AK5: variants seen among roughly 807,000 people sequenced by gnomAD.
AK5 encodes adenylate kinase 5, also known as adenylate kinase isoenzyme 5.
Under a neutral mutation model 69.5 loss-of-function variants are expected in AK5, and 27 were observed. The observed-to-expected ratio is 0.39, with a 90% CI of 0.29 to 0.54. AK5 has a LOEUF of 0.54. AK5 is among the 20% of genes least tolerant of loss of function. AK5 has a pLI of 0.71. For missense variants in AK5, 531 were observed against 700.4 expected (o/e 0.76, Z 2.73); for synonymous variants, 260 against 244.4 (o/e 1.06, Z -0.60).
At chr1:77,542,047 G>A (rs960127252) in intron 13 of AK5, among the ~76,000 whole-genome samples, 15 of 152,170 alleles carry the variant, frequency 9.9e-5, no homozygotes, top group Non-Finnish European at 2.2e-4. Context: ...GAGAAAAACA[G>A]GCCAGGCACG....
In AK5 at chr1:77,371,421, C is replaced by A. The variant is rs3862894; in HGVS notation, c.891+30853C>A. On this transcript the variant is annotated intron_variant, in intron 6 of 13. Transcript: ENST00000354567. ...AGAGTACTTTACAGCACTGGAGGTGCTATTTGGAAAGGGGGTTTCAACCCA... is the reference window on the plus strand; with the variant it reads ...AGAGTACTTTACAGCACTGGAGGTGATATTTGGAAAGGGGGTTTCAACCCA... The A allele has an allele frequency of 2.6e-5, 4 of 152,098 alleles. No individual in the cohort carries two copies. In the South Asian group the frequency reaches 8.3e-4, roughly 32 times the overall value. 9.4% of individuals were successfully genotyped at this position (152,098 alleles called of 1,614,324 possible).
intron 5 of AK5, among the ~76,000 whole-genome samples, chr1:77,334,850 TC>T (rs1208237611): frequency 6.6e-6 from 1 of 152,044 alleles, no homozygotes; most frequent in Non-Finnish European, 1.5e-5. Flanking sequence ...TAGAGCCTCT[TC>T]CCCTGGGTGG....
chr1:77,392,763 T>A (rs1481957741), intron 6 of AK5, among the ~76,000 whole-genome samples: 1 of 150,648 alleles, frequency 6.6e-6, no homozygotes, highest in Non-Finnish European at 1.5e-5. Context: ...AAGGAATGAT[T>A]GCTGGGTTTT....
rs1660273782 is a variant in AK5 at position 77,558,818 on chromosome 1, T to TAGAC, written c.*149_*152dup. 5 of 630,194 alleles carry TAGAC rather than the reference T, an allele frequency of 7.9e-6. No homozygotes were observed. In the Admixed American group the frequency reaches 1.1e-4, roughly 14 times the overall value. 39.0% of individuals were successfully genotyped at this position (630,194 alleles called of 1,614,324 possible). A position where few individuals can be genotyped will look rare whatever the true frequency, so the allele number is the denominator to read the frequency against. On this transcript the variant is annotated 3_prime_UTR_variant, in exon 14 of 14. Transcript: ENST00000354567. ...CTGACAGCACTGTTTGCTTCCCAGC[T>TAGAC]AGACCTGTGTGAGAGGTGTCTGGAA... is the stretch of plus-strand genomic sequence containing the variant.
intron 5 of AK5, among the ~76,000 whole-genome samples, chr1:77,312,126 A>G (rs777561991): frequency 5.9e-5 from 9 of 152,190 alleles, no homozygotes; most frequent in Non-Finnish European, 1.3e-4. Context: ...GCCAAGTGCC[A>G]GGCACCTAGC....
At chr1:77,308,885 C>A (rs1659790994) in intron 5 of AK5, among the ~76,000 whole-genome samples, 1 of 151,880 alleles carries the variant, frequency 6.6e-6, no homozygotes, top group South Asian at 2.1e-4. Context: ...GGGAAAATTG[C>A]TTGAGCCTGG....
chr1:77,325,949 TAATA>T (rs1660783165), intron 5 of AK5, among the ~76,000 whole-genome samples: 1 of 152,166 alleles, frequency 6.6e-6, no homozygotes, highest in Non-Finnish European at 1.5e-5. Flanking sequence ...ATTAAACAAT[TAATA>T]AATGTTTATG....
At chr1:77,477,355 A>T (rs1458471714) in intron 8 of AK5, among the ~76,000 whole-genome samples, 1 of 152,036 alleles carries the variant, frequency 6.6e-6, no homozygotes. Flanking sequence ...TTATTATTCC[A>T]TCCTATTAAG....
chr1:77,347,226 G>T (rs1230392436), intron 6 of AK5, among the ~76,000 whole-genome samples: 2 of 152,178 alleles, frequency 1.3e-5, no homozygotes, highest in African/African-American at 4.8e-5. Flanking sequence ...TTGCCAGAGT[G>T]TGTTTAAATT....
At chr1:77,293,574 A>G (rs769892561) in intron 2 of AK5, 147 of 401,200 alleles carry the variant, frequency 3.7e-4, no homozygotes, top group Non-Finnish European at 5.7e-4. Context: ...TCATACTACC[A>G]TGGCCAAGTT....
chr1:77,498,504 CG>C (rs1440720361), intron 10 of AK5, among the ~76,000 whole-genome samples: 2 of 152,198 alleles, frequency 1.3e-5, no homozygotes, highest in African/African-American at 4.8e-5. Context: ...GTTCGAATGT[CG>C]GCTCCTACAT....
At chr1:77,313,856 C>T (rs773134699) in intron 5 of AK5, 2 of 533,052 alleles carry the variant, frequency 3.8e-6, no homozygotes, top group Admixed American at 1.9e-5. Flanking sequence ...TACGCTGCTC[C>T]CTGCGGGGTA....
At chr1:77,353,842 C>T (rs954388088) in intron 6 of AK5, among the ~76,000 whole-genome samples, 8 of 152,106 alleles carry the variant, frequency 5.3e-5, no homozygotes, top group South Asian at 2.1e-4. Context: ...TACACAGACA[C>T]GCCACTGCTC....
intron 5 of AK5, among the ~76,000 whole-genome samples, chr1:77,327,155 G>A (rs1365210304): frequency 1.3e-5 from 2 of 152,172 alleles, no homozygotes; most frequent in Non-Finnish European, 2.9e-5. Flanking sequence ...GAAAGGCCAA[G>A]GTGGCAGGAT....
At chr1:77,466,020 C>T (rs1654117351) in intron 8 of AK5, among the ~76,000 whole-genome samples, 2 of 152,086 alleles carry the variant, frequency 1.3e-5, no homozygotes, top group South Asian at 2.1e-4. Context: ...AGCTTCCAGC[C>T]CTCTAATGTC....
chr1:77,520,881 A>T (rs535050181), intron 11 of AK5, among the ~76,000 whole-genome samples: 9 of 152,292 alleles, frequency 5.9e-5, no homozygotes, highest in Non-Finnish European at 1.3e-4. Context: ...GCATTCCCCA[A>T]GCCCCTGCCA....
chr1:77,317,809 TA>T (rs1169179580), intron 5 of AK5, among the ~76,000 whole-genome samples: 5 of 152,350 alleles, frequency 3.3e-5, no homozygotes, highest in African/African-American at 1.2e-4. Flanking sequence ...CATGTCTTGT[TA>T]AAAAATGTGT....
At chr1:77,481,866 A>C (rs1179055876) in intron 8 of AK5, among the ~76,000 whole-genome samples, 1 of 152,234 alleles carries the variant, frequency 6.6e-6, no homozygotes, top group Admixed American at 6.5e-5. Flanking sequence ...TTCCAAAAAA[A>C]GTTTGAGACT....
At chr1:77,402,523 C>G (rs1164597237) in intron 6 of AK5, among the ~76,000 whole-genome samples, 1 of 149,642 alleles carries the variant, frequency 6.7e-6, no homozygotes, top group Non-Finnish European at 1.5e-5. Context: ...TCAATTCCCA[C>G]CTATGAGTGA....
Sources: gnomAD v4.1 joint callset for allele counts (sites outside exome capture counted in the v4.1 genomes callset) on GRCh38, gnomAD v4.1.1 for gene constraint, MANE v1.5 for transcripts, NCBI Gene and HGNC (gene_info 2026-07-23, HGNC 2026-07-21) for gene names.